The following BBS9 variants were observed in gnomAD, a reference collection of about 807,000 sequenced individuals.
BBS9 encodes the protein protein PTHB1.
Under a neutral mutation model 117.7 loss-of-function variants are expected in BBS9, and 89 were observed. The ratio of observed to expected loss-of-function variants is 0.76; its 90% CI spans 0.64 to 0.90. BBS9 has a LOEUF of 0.90. BBS9 is among the 40% of genes least tolerant of loss of function. The probability of loss-of-function intolerance (pLI) is 0.00; values close to 1 mark genes in which losing one functional copy is unlikely to be tolerated. For missense variants in BBS9, 982 were observed against 1,042.2 expected (o/e 0.94, Z 0.80); for synonymous variants, 379 against 370.9 (o/e 1.02, Z -0.25).
chr7:33,576,457 A>G (rs1420151271), intron 21 of BBS9, among the ~76,000 whole-genome samples: 2 of 152,206 alleles, frequency 1.3e-5, no homozygotes, highest in African/African-American at 4.8e-5. Context: ...GGAAGAATCA[A>G]TATCGTGAAA....
chr7:33,312,047 T>G (rs943194262), intron 9 of BBS9, among the ~76,000 whole-genome samples: 3 of 152,230 alleles, frequency 2.0e-5, no homozygotes, highest in African/African-American at 7.2e-5. Context: ...TTAGCCACAC[T>G]GCACTTGCAA....
At chr7:33,458,351 G>A (rs532414714) in intron 19 of BBS9, among the ~76,000 whole-genome samples, 6 of 152,232 alleles carry the variant, frequency 3.9e-5, no homozygotes, top group African/African-American at 1.4e-4. Context: ...GCATCCCAAT[G>A]TACCTGTTTG....
rs375093058 is a variant in BBS9 at position 33,450,873 on chromosome 7, T to TG, written c.2116-54590_2116-54589insG. On this transcript the variant is annotated intron_variant, in intron 19 of 22. Transcript: ENST00000242067. ...CCTTTGCTGTTCAGAAGTTTTTTTTTTTTGTTTTTTTGTTTTTTTGTTTTT... is the reference window on the plus strand; with the variant it reads ...CCTTTGCTGTTCAGAAGTTTTTTTTTGTTTGTTTTTTTGTTTTTTTGTTTTT... 5.3e-3 allele frequency among the ~76,000 whole-genome samples: 725 copies of TG among 136,948 alleles called. 8 individuals are homozygous for TG. Among genetic ancestry groups the TG allele is most frequent in the African/African-American group, 0.019 (692 of 36,952 alleles). The allele number at this position is 136,948 out of a possible 152,430, so 89.8% of individuals were successfully genotyped here.
At chr7:33,565,809 A>ACCGCTATATATACTGC (rs1351996116) in intron 21 of BBS9, among the ~76,000 whole-genome samples, 1 of 49,490 alleles carries the variant, frequency 2.0e-5, no homozygotes, top group African/African-American at 2.0e-4. Flanking sequence ...ATATATATAT[A>ACCGCTATATATACTGC]TATATATATA....
chr7:33,258,352 A>G (rs1186992715), intron 6 of BBS9, among the ~76,000 whole-genome samples: 1 of 152,180 alleles, frequency 6.6e-6, no homozygotes. Flanking sequence ...TTCATGTTTC[A>G]ATGTTGTGTA....
rs1471658114 is a variant in BBS9, at chr7:33,203,679, C to T, written c.442+26088C>T. Reference sequence around the variant, plus strand: ...GCATGTAACAAGTATTAGAAATTAACCATCCTTATTTATTTATTTTTACGA... The same window carrying T: ...GCATGTAACAAGTATTAGAAATTAATCATCCTTATTTATTTATTTTTACGA... On this transcript the variant is annotated intron_variant, in intron 5 of 22. Coordinates refer to ENST00000242067, the MANE Select transcript of BBS9 (RefSeq NM_198428.3). Among the ~76,000 whole-genome samples, 4 of 151,702 alleles carry T rather than the reference C, an allele frequency of 2.6e-5. No individual in the cohort carries two copies. The East Asian group carries it at 7.8e-4, about 29-fold the overall frequency.
intron 20 of BBS9, among the ~76,000 whole-genome samples, chr7:33,509,457 A>G (rs2129021462): frequency 6.6e-6 from 1 of 152,318 alleles, no homozygotes; most frequent in Non-Finnish European, 1.5e-5. Flanking sequence ...CTCTTACCAG[A>G]ATGTTGAAAA....
intron 16 of BBS9, among the ~76,000 whole-genome samples, chr7:33,366,331 C>T (rs1280173100): frequency 2.0e-5 from 3 of 151,890 alleles, no homozygotes; most frequent in Non-Finnish European, 4.4e-5. Context: ...TTAGGTATGC[C>T]GATATAACCA....
intron 19 of BBS9, among the ~76,000 whole-genome samples, chr7:33,434,275 T>A (rs565985096): frequency 6.7e-6 from 1 of 150,364 alleles, no homozygotes; most frequent in African/African-American, 2.4e-5. Context: ...ATTTCCTGTT[T>A]GCTAAAAAAA....
chr7:33,426,321 A>T (rs1833653469), intron 19 of BBS9, among the ~76,000 whole-genome samples: 1 of 152,194 alleles, frequency 6.6e-6, no homozygotes, highest in Admixed American at 6.5e-5. Flanking sequence ...TATCTCAATT[A>T]TTTTAAAGGG....
rs1445444169 is a variant in BBS9 at position 33,605,237 on chromosome 7, G to GT, written c.*13dup. ...GGAGTCTCGGAATAATTCAAGTAGA[G>GT]TTGTTTGGTTGAGAGGAACATCCCC... is the stretch of plus-strand genomic sequence containing the variant. On this transcript the variant is annotated 3_prime_UTR_variant, in exon 23 of 23. Transcript: ENST00000242067. 6.2e-7 allele frequency: 1 copy of GT among 1,611,662 alleles called. No individual in the cohort carries two copies. The highest frequency in any genetic ancestry group is 8.5e-7 in the Non-Finnish European group (1 of 1,177,826).
At chr7:33,413,067 G>C (rs1223356761) in intron 19 of BBS9, among the ~76,000 whole-genome samples, 2 of 152,110 alleles carry the variant, frequency 1.3e-5, no homozygotes, top group Non-Finnish European at 2.9e-5. Flanking sequence ...TAATTTTTCT[G>C]GACTCCTCTT....
intron 19 of BBS9, among the ~76,000 whole-genome samples, chr7:33,397,037 C>T (rs1409344486): frequency 6.6e-6 from 1 of 152,092 alleles, no homozygotes; most frequent in Non-Finnish European, 1.5e-5. Context: ...AGTGAACAGA[C>T]AACCTACAGA....
intron 4 of BBS9, among the ~76,000 whole-genome samples, chr7:33,165,960 C>T (rs563304105): frequency 7.9e-5 from 12 of 152,272 alleles, no homozygotes; most frequent in Admixed American, 7.8e-4. Flanking sequence ...GGTTTCTCCC[C>T]ATCTTTGTGG....
intron 5 of BBS9, among the ~76,000 whole-genome samples, chr7:33,186,396 A>G (rs908023147): frequency 1.3e-5 from 2 of 152,198 alleles, no homozygotes; most frequent in Non-Finnish European, 2.9e-5. Flanking sequence ...GTCTGCATCT[A>G]GAGGCTTCTG....
At chr7:33,620,206 G>A (rs1229486330) in intron 21 of BBS9, among the ~76,000 whole-genome samples, 1 of 151,750 alleles carries the variant, frequency 6.6e-6, no homozygotes, top group South Asian at 2.1e-4. Flanking sequence ...AAAAACTATA[G>A]GCCAGCAAAT....
At position 33,533,994 on chromosome 7, in the gene BBS9, T is replaced by G; in HGVS notation, c.2339T>G (p.Leu780Trp). The part of the protein sequence containing the change: ...ETVDAAISHL[L>W]KTCLSKSSKE... ...GTGGATGCCGCCATTTCCCACCTGT[T>G]GAAGACTTGCCTGTCGAAGAGTTCT... Residue 780 changes from leucine (L) to tryptophan (W), a missense_variant, in exon 21 of 23, where the codon TTG becomes TGG. Coordinates refer to ENST00000242067, the MANE Select transcript of BBS9 (RefSeq NM_198428.3). 22 of 1,614,240 alleles carry G rather than the reference T, an allele frequency of 1.4e-5. No homozygotes were observed. The highest frequency in any genetic ancestry group is 1.9e-5 in the Non-Finnish European group (22 of 1,180,042).
chr7:33,411,008 GGT>G (rs10601351), intron 19 of BBS9, among the ~76,000 whole-genome samples: 13,710 of 120,224 alleles, frequency 0.11, 798 homozygotes, highest in South Asian at 0.21. Context: ...TTAAAATGTT[GGT>G]GTTTTTTTTT....
chr7:33,140,336 T>C (rs762961144), intron 1 of BBS9, among the ~76,000 whole-genome samples: 2 of 152,174 alleles, frequency 1.3e-5, no homozygotes, highest in Non-Finnish European at 2.9e-5. Context: ...ATTCCTCCTC[T>C]TCTTAACCTC....
Sources: allele counts gnomAD v4.1 joint callset (sites outside exome capture counted in the v4.1 genomes callset), GRCh38; gene constraint gnomAD v4.1.1; transcripts MANE v1.5; gene names NCBI Gene and HGNC (gene_info 2026-07-23, HGNC 2026-07-21).